Variants in DSCAM observed in about 807,000 individuals in gnomAD.
DSCAM encodes cell adhesion molecule DSCAM.
DSCAM carries 47 observed loss-of-function variants against 217.7 expected under a neutral mutation model. The ratio of observed to expected loss-of-function variants is 0.22; its 90% confidence interval spans 0.17 to 0.28. The LOEUF (loss-of-function observed/expected upper bound fraction) is 0.28, where lower values mean the gene tolerates loss of function less well. DSCAM is among the 10% of genes least tolerant of loss of function. DSCAM has a pLI of 1.00. For synonymous variants in DSCAM, 1,056 were observed against 1,015.3 expected (o/e 1.04, Z -0.76); for missense variants, 2,080 against 2,618.3 (o/e 0.79, Z 4.49).
chr21:40,391,076 T>C (rs1344542849), intron 3 of DSCAM, among the ~76,000 whole-genome samples: 1 of 152,128 alleles, frequency 6.6e-6, no homozygotes, highest in Non-Finnish European at 1.5e-5. Flanking sequence ...TAACATTTCA[T>C]ATTGGATGAT....
At chr21:40,406,590 TG>T (rs1385464283) in intron 3 of DSCAM, among the ~76,000 whole-genome samples, 1 of 152,072 alleles carries the variant, frequency 6.6e-6, no homozygotes, top group African/African-American at 2.4e-5. Flanking sequence ...AAAACGTTTT[TG>T]TTTGTTTGTT....
At chr21:40,360,750 T>C (rs2074753802) in intron 4 of DSCAM, among the ~76,000 whole-genome samples, 1 of 152,224 alleles carries the variant, frequency 6.6e-6, no homozygotes. Flanking sequence ...GTCTTTGCTA[T>C]TGTGAATAGC....
chr21:40,629,064 ATGTGTGTGTGTGGTG>A (rs2089646840), intron 3 of DSCAM, among the ~76,000 whole-genome samples: 3 of 117,586 alleles, frequency 2.6e-5, no homozygotes, highest in South Asian at 2.8e-4. Flanking sequence ...TGTGTGTAGT[ATGTGTGTGTGTGGTG>A]TGTGTGTGTG....
intron 1 of DSCAM, among the ~76,000 whole-genome samples, chr21:40,745,210 AAAAGAG>A (rs1440278942): frequency 1.3e-5 from 2 of 152,170 alleles, no homozygotes; most frequent in Admixed American, 6.5e-5. Flanking sequence ...CCCAGGAGAT[AAAAGAG>A]AAAAAGTTCT....
intron 1 of DSCAM, among the ~76,000 whole-genome samples, chr21:40,718,248 G>GA (rs1482819174): frequency 6.6e-6 from 1 of 152,160 alleles, no homozygotes; most frequent in Admixed American, 6.5e-5. Context: ...TAGCAAATTG[G>GA]AAATAGGAGT....
In DSCAM at chr21:40,035,872, C is replaced by T. The variant is rs1239767431; in HGVS notation, c.5686+6499G>A. ...CAGGATTAAGAATCTCACTCAAAAC[C>T]GCTCAACTACATGGAAACTGAACAA... On this transcript the variant is annotated intron_variant, in intron 32 of 32. Transcript: ENST00000400454. Among the ~76,000 whole-genome samples, 19 of 147,380 alleles carry T rather than the reference C, an allele frequency of 1.3e-4. No individual in the cohort carries two copies. The East Asian group carries it at 2.7e-3, about 21-fold the overall frequency.
intron 30 of DSCAM, among the ~76,000 whole-genome samples, chr21:40,045,610 A>T (rs2088830437): frequency 6.6e-6 from 1 of 152,192 alleles, no homozygotes; most frequent in African/African-American, 2.4e-5. Flanking sequence ...AGTTACCTGG[A>T]ATGATTTTTC....
intron 1 of DSCAM, among the ~76,000 whole-genome samples, chr21:40,830,950 G>T (rs776313950): frequency 6.6e-6 from 1 of 152,172 alleles, no homozygotes; most frequent in African/African-American, 2.4e-5. Context: ...CCTGGCCAAG[G>T]TTTGTGAGGT....
At chr21:40,771,885 C>T (rs1263735411) in intron 1 of DSCAM, among the ~76,000 whole-genome samples, 1 of 151,666 alleles carries the variant, frequency 6.6e-6, no homozygotes, top group East Asian at 1.9e-4. Flanking sequence ...AGGGAACGTG[C>T]GTATGTCGCA....
At chr21:40,614,695 C>A (rs1177713570) in intron 3 of DSCAM, among the ~76,000 whole-genome samples, 1 of 152,020 alleles carries the variant, frequency 6.6e-6, no homozygotes, top group African/African-American at 2.4e-5. Context: ...AGTTGTATGT[C>A]CAGTAACGGA....
At chr21:40,574,447 A>G (rs535952090) in intron 3 of DSCAM, among the ~76,000 whole-genome samples, 1 of 152,322 alleles carries the variant, frequency 6.6e-6, no homozygotes, top group East Asian at 1.9e-4. Context: ...TACTCAAAAA[A>G]CTAAGAATAA....
At chr21:40,789,333 A>C (rs528070733) in intron 1 of DSCAM, among the ~76,000 whole-genome samples, 12 of 152,250 alleles carry the variant, frequency 7.9e-5, no homozygotes, top group African/African-American at 2.9e-4. Flanking sequence ...CCAAAGAAAA[A>C]GTGACGGCCA....
intron 3 of DSCAM, among the ~76,000 whole-genome samples, chr21:40,631,202 C>G (rs954289716): frequency 6.6e-6 from 1 of 152,150 alleles, no homozygotes; most frequent in African/African-American, 2.4e-5. Flanking sequence ...CTCTGCTCCA[C>G]CAGCCTGCAG....
intron 9 of DSCAM, among the ~76,000 whole-genome samples, chr21:40,306,770 C>G (rs1321716950): frequency 2.6e-5 from 4 of 152,130 alleles, no homozygotes; most frequent in Admixed American, 6.5e-5. Context: ...ATTGAACAAG[C>G]CTTGCATCCC....
chr21:40,793,383 G>A (rs1021133808), intron 1 of DSCAM, among the ~76,000 whole-genome samples: 2 of 152,184 alleles, frequency 1.3e-5, no homozygotes, highest in Non-Finnish European at 2.9e-5. Flanking sequence ...AGGAATCAAA[G>A]CAACTTTCCA....
intron 29 of DSCAM, among the ~76,000 whole-genome samples, chr21:40,053,867 A>G (rs762060053): frequency 4.1e-4 from 62 of 152,124 alleles, no homozygotes; most frequent in Non-Finnish European, 7.1e-4. Context: ...CTAGCTATCT[A>G]TTTTCATAGC....
intron 11 of DSCAM, among the ~76,000 whole-genome samples, chr21:40,249,567 A>G (rs2073274596): frequency 6.6e-6 from 1 of 152,202 alleles, no homozygotes; most frequent in Admixed American, 6.5e-5. Context: ...GCGTAGAAAT[A>G]TATTCAAATC....
chr21:40,549,566 T>C (rs1374790017), intron 3 of DSCAM, among the ~76,000 whole-genome samples: 1 of 152,100 alleles, frequency 6.6e-6, no homozygotes, highest in Non-Finnish European at 1.5e-5. Context: ...CTGAGTTGAA[T>C]CAGTTATGTC....
chr21:40,617,613 G>A (rs540091594), intron 3 of DSCAM, among the ~76,000 whole-genome samples: 4 of 152,180 alleles, frequency 2.6e-5, no homozygotes, highest in East Asian at 1.9e-4. Context: ...ATTGTTTTTC[G>A]TGGGAACATT....
Sources: allele counts gnomAD v4.1 joint callset (sites outside exome capture counted in the v4.1 genomes callset), GRCh38; gene constraint gnomAD v4.1.1; transcripts MANE v1.5; gene names NCBI Gene and HGNC (gene_info 2026-07-23, HGNC 2026-07-21).